The following RHBDF1 variants were observed in gnomAD, a reference collection of about 807,000 sequenced individuals.
RHBDF1 encodes rhomboid 5 homolog 1.
RHBDF1 carries 80 observed loss-of-function variants against 98.6 expected under a neutral mutation model. That is an observed-to-expected ratio of 0.81 (90% CI 0.68 to 0.98). The LOEUF is 0.98. RHBDF1 is among the 50% of genes least tolerant of loss of function. The pLI is 0.00. For missense variants in RHBDF1, 1,116 were observed against 1,198.3 expected (o/e 0.93, Z 1.01); for synonymous variants, 512 against 486.8 (o/e 1.05, Z -0.68).
intron 1 of RHBDF1, among the ~76,000 whole-genome samples, chr16:66,955 T>C (rs2141862298): frequency 6.6e-6 from 1 of 152,266 alleles, no homozygotes; most frequent in African/African-American, 2.4e-5. Context: ...AGGAGACCCC[T>C]CTGCATCTGA....
upstream of RHBDF1, among the ~76,000 whole-genome samples, chr16:74,314 C>G (rs1175876526): frequency 6.6e-6 from 1 of 152,246 alleles, no homozygotes; most frequent in Admixed American, 6.5e-5. Context: ...GTGGTGTCCT[C>G]TCTGGAAAGC....
At chr16:64,121 GA>G (rs1383481843) in intron 3 of RHBDF1, 9 of 654,762 alleles carry the variant, frequency 1.4e-5, no homozygotes, top group Non-Finnish European at 2.0e-5. Context: ...CAACCCGAGA[GA>G]GCTTGGCCCC....
In RHBDF1 at chr16:58,438, C is replaced by A. The variant is rs369772748; in HGVS notation, c.2470G>T (p.Val824Phe). 6.2e-7 allele frequency: 1 copy of A among 1,614,042 alleles called. No individual in the cohort carries two copies. The highest frequency in any genetic ancestry group is 1.1e-5 in the South Asian group (1 of 91,082). Residue 824 changes from valine (V) to phenylalanine (F), a missense_variant, in exon 18 of 18, where the codon GTC (valine) becomes TTC (phenylalanine). Coordinates refer to ENST00000262316, the MANE Select transcript of RHBDF1 (RefSeq NM_022450.5). The stretch of plus-strand genomic sequence containing the variant: ...CACCACTCACAGCGGACAGGATAGA[C>A]GTAGAAGAGGACCACCAGGCCAGCC... ...LLAGLVVLFYVYPVRCEWCEF... is the reference protein window; with the variant it reads ...LLAGLVVLFYFYPVRCEWCEF...
chr16:70,590 C>A (rs1240004133), intron 1 of RHBDF1, among the ~76,000 whole-genome samples: 1 of 152,256 alleles, frequency 6.6e-6, no homozygotes, highest in Non-Finnish European at 1.5e-5. Flanking sequence ...CAGATCCTGA[C>A]TGATCACACT....
chr16:60,764 G>A (rs1024859415), intron 11 of RHBDF1: 20 of 581,630 alleles, frequency 3.4e-5, no homozygotes, highest in Non-Finnish European at 5.2e-5. Context: ...CCTAAATCAG[G>A]GAACTGGTAT....
Position 59,257 on chromosome 16 carries a change from C to T in RHBDF1, c.1986G>A (p.Leu662=). ...QFYRLWLSLF[L]HAGILHCLVS... ...CCCACAGTGTCACTTGCCCGGCGTG[C>T]AGGAAGAGGGATAGCCACAGGCGGT... The change falls in exon 16 of 18, where the codon CTG becomes CTA. Residue 662 remains leucine (L), a synonymous_variant. Coordinates refer to ENST00000262316, the MANE Select transcript of RHBDF1 (RefSeq NM_022450.5). 6.2e-7 allele frequency: 1 copy of T among 1,602,958 alleles called. No homozygotes were observed. The highest frequency in any genetic ancestry group is 1.1e-5 in the South Asian group (1 of 89,310).
At chr16:61,016 T>A (rs1349361787) in intron 11 of RHBDF1, 104 bp downstream of exon 11, 1 of 1,285,712 alleles carries the variant, frequency 7.8e-7, no homozygotes, top group African/African-American at 1.5e-5. Flanking sequence ...GACGGCGGGA[T>A]GTGCCAGGAA....
At chr16:71,829 TCTGG>T (rs1255613569) in intron 1 of RHBDF1, among the ~76,000 whole-genome samples, 1 of 151,916 alleles carries the variant, frequency 6.6e-6, no homozygotes, top group African/African-American at 2.4e-5. Flanking sequence ...GCATCTGGGG[TCTGG>T]CTGTCACCCC....
rs1898003835 is a variant in RHBDF1 at position 72,556 on chromosome 16, G to C, written c.-68C>G. The stretch of plus-strand genomic sequence containing the variant: ...TGGGGGGTCCTGAGGGCGCCGGGGA[G>C]GAGGCTGCCGCCGCTGGCCGGGAGG... On this transcript the variant is annotated 5_prime_UTR_variant, in exon 1 of 18. Transcript: ENST00000262316. 1.2e-6 allele frequency: 1 copy of C among 830,992 alleles called. No individual in the cohort carries two copies. Among genetic ancestry groups the C allele is most frequent in the African/African-American group, 6.3e-5 (1 of 15,804 alleles). The allele number at this position is 830,992 out of a possible 1,614,324, so 51.5% of individuals were successfully genotyped here.
chr16:70,228 T>G (rs1369222344), intron 1 of RHBDF1, among the ~76,000 whole-genome samples: 4 of 152,326 alleles, frequency 2.6e-5, no homozygotes, highest in African/African-American at 7.2e-5. Context: ...GGGGGTAAAC[T>G]GCCTGGTATG....
At chr16:72,632 C>T (rs1405468512), upstream of RHBDF1, 2 of 958,980 alleles carry the variant, frequency 2.1e-6, no homozygotes, top group East Asian at 2.7e-4. Flanking sequence ...CCGGGAATGC[C>T]CTGGAGCGAG....
Position 58,226 on chromosome 16 carries a change from A to C in RHBDF1, c.*114T>G. 9.8e-7 allele frequency: 1 copy of C among 1,019,960 alleles called. No homozygotes were observed. The highest frequency in any genetic ancestry group is 1.4e-6 in the Non-Finnish European group (1 of 700,034). The allele number at this position is 1,019,960 out of a possible 1,614,324, so 63.2% of individuals were successfully genotyped here. A position where few individuals can be genotyped will look rare whatever the true frequency, so the allele number is the denominator to read the frequency against. On this transcript the variant is annotated 3_prime_UTR_variant, in exon 18 of 18. Transcript: ENST00000262316. ...CACAAGAAAGAGGTCTGTGTTCAGG[A>C]AACAGGCCAGTCCCCACATGGAGCA...
Position 64,780 on chromosome 16 carries a change from G to A in RHBDF1, c.167C>T (p.Thr56Ile). ...FLRSVSMPAE[T>I]AHISSPHHEL... ...ATGGTGGGGTGAAGAGATGTGGGCT[G>A]TCTCGGCTGGCATACTCACACTCCT... is the stretch of plus-strand genomic sequence containing the variant. The change falls in exon 3 of 18, where the codon ACA becomes ATA. Residue 56 changes from threonine (T) to isoleucine (I), a missense_variant. Thr to Ile is a moderately conservative substitution (Grantham distance 89). Transcript: ENST00000262316. The A allele has an allele frequency of 6.2e-7, 1 of 1,614,092 alleles. No homozygotes were observed. Among genetic ancestry groups the A allele is most frequent in the Non-Finnish European group, 8.5e-7 (1 of 1,180,020 alleles).
chr16:63,812 G>T lies in RHBDF1; in HGVS notation c.249-12C>A. The T allele has an allele frequency of 6.2e-7, 1 of 1,611,318 alleles. No individual in the cohort carries two copies. The highest frequency in any genetic ancestry group is 8.5e-7 in the Non-Finnish European group (1 of 1,178,532). On this transcript the variant is annotated splice_polypyrimidine_tract_variant and intron_variant, in intron 3 of 17. Transcript: ENST00000262316. Reference sequence around the variant, plus strand: ...AGTCGGCGGTCCCCCTGGCATGGCAGGGACTCAGCAAGGGGCGGCCAGATC... The same window carrying T: ...AGTCGGCGGTCCCCCTGGCATGGCATGGACTCAGCAAGGGGCGGCCAGATC...
Position 72,616 on chromosome 16 carries a change from G to GCCCGC in RHBDF1, c.-133_-129dup. ...GAGTCCCCGCCCGCCCGCCGGTCCG[G>GCCCGC]CCCGCCCGGGAATGCCCTGGAGCGA... On this transcript the variant is annotated 5_prime_UTR_variant, in exon 1 of 18. Coordinates refer to ENST00000262316, the MANE Select transcript of RHBDF1 (RefSeq NM_022450.5). 1 of 975,386 alleles carries GCCCGC rather than the reference G, an allele frequency of 1.0e-6. No homozygotes were observed. Among genetic ancestry groups the GCCCGC allele is most frequent in the South Asian group, 4.7e-5 (1 of 21,136 alleles). The allele number at this position is 975,386 out of a possible 1,614,324, so 60.4% of individuals were successfully genotyped here.
chr16:60,178 A>T (rs200392408), intron 13 of RHBDF1, 38 bp downstream of exon 13: 12 of 1,613,608 alleles, frequency 7.4e-6, no homozygotes, highest in Non-Finnish European at 1.7e-6. Flanking sequence ...CCCACATGAC[A>T]CGGAGGGCTC....
intron 1 of RHBDF1, among the ~76,000 whole-genome samples, chr16:65,903 G>C (rs1336214682): frequency 1.3e-5 from 2 of 152,266 alleles, no homozygotes; most frequent in South Asian, 2.1e-4. Context: ...CCGGGGCTGC[G>C]GGGCATTGCA....
chr16:61,565 G>T lies in RHBDF1; in HGVS notation c.1320+20C>A. The T allele has an allele frequency of 1.2e-6, 2 of 1,612,532 alleles. No homozygotes were observed. The highest frequency in any genetic ancestry group is 1.7e-6 in the Non-Finnish European group (2 of 1,179,320). ...CCCGGACTCCACTCGTCTGGGCCCA[G>T]GGAAGGCACAGGGGCTCACCGAGTC... On this transcript the variant is annotated intron_variant, in intron 9 of 17. Coordinates refer to ENST00000262316, the MANE Select transcript of RHBDF1 (RefSeq NM_022450.5).
At chr16:72,282 C>T (rs956682893) in intron 1 of RHBDF1, among the ~76,000 whole-genome samples, 10 of 152,072 alleles carry the variant, frequency 6.6e-5, no homozygotes, top group Non-Finnish European at 7.4e-5. Flanking sequence ...GCTAGGAATC[C>T]GGGGCTGGGC....
Sources: gnomAD v4.1 joint callset for allele counts (sites outside exome capture counted in the v4.1 genomes callset) on GRCh38, gnomAD v4.1.1 for gene constraint, MANE v1.5 for transcripts, NCBI Gene and HGNC (gene_info 2026-07-23, HGNC 2026-07-21) for gene names.